JMJD6: variants seen among roughly 807,000 people sequenced by gnomAD.
JMJD6 encodes the protein bifunctional arginine demethylase and lysyl-hydroxylase JMJD6.
A neutral mutation model predicts 45.8 loss-of-function variants in JMJD6; 17 were observed. The ratio of observed to expected loss-of-function variants is 0.37; its 90% CI spans 0.25 to 0.56. The LOEUF (loss-of-function observed/expected upper bound fraction) is 0.56. Ranked by LOEUF, JMJD6 falls within the 20% of genes least tolerant of loss-of-function variation. The probability of loss-of-function intolerance (pLI) is 0.79; values close to 1 mark genes in which losing one functional copy is unlikely to be tolerated. For missense variants in JMJD6, 470 were observed against 517.5 expected (o/e 0.91, Z 0.89); for synonymous variants, 221 against 196.3 (o/e 1.13, Z -1.05).
At chr17:76,724,874 C>T (rs2076883369) in intron 2 of JMJD6, among the ~76,000 whole-genome samples, 1 of 151,982 alleles carries the variant, frequency 6.6e-6, no homozygotes, top group South Asian at 2.1e-4. Flanking sequence ...TATTGCTGGA[C>T]TTTATTAAAA....
At chr17:76,723,732 C>T (rs760339855) in intron 3 of JMJD6, 40 bp downstream of exon 3, 29 of 1,595,472 alleles carry the variant, frequency 1.8e-5, no homozygotes, top group Middle Eastern at 1.7e-4. Context: ...TGAACCACCG[C>T]GCCCGGCAAA....
At chr17:76,716,613 G>C (rs2076765861), downstream of JMJD6, 3 of 1,355,594 alleles carry the variant, frequency 2.2e-6, no homozygotes, top group African/African-American at 2.9e-5. Flanking sequence ...AGGAGCAGAA[G>C]ATGCGAGAAC....
intron 3 of JMJD6, 143 bp downstream of exon 3, chr17:76,723,629 G>A: frequency 9.2e-6 from 7 of 762,116 alleles, no homozygotes; most frequent in Non-Finnish European, 1.1e-5. Flanking sequence ...TTTTAGTAGA[G>A]ACGGGGTTTC....
chr17:76,716,600 G>T, downstream of JMJD6: 1 of 1,213,780 alleles, frequency 8.2e-7, no homozygotes, highest in Non-Finnish European at 1.2e-6. Context: ...CAGAGGAGAA[G>T]GTAGGAGCAG....
downstream of JMJD6, chr17:76,716,561 AG>A (rs1426819945): frequency 1.2e-6 from 1 of 851,120 alleles, no homozygotes; most frequent in Non-Finnish European, 2.0e-6. Context: ...AGCTTGGACC[AG>A]GGAAGGAATA....
chr17:76,716,550 G>A, downstream of JMJD6: 1 of 767,864 alleles, frequency 1.3e-6, no homozygotes, highest in South Asian at 1.6e-5. Flanking sequence ...CCGAAGATAG[G>A]AGCTTGGACC....
Position 76,720,497 on chromosome 17 carries a change from T to C in JMJD6, c.943A>G (p.Ile315Val). The change falls in exon 5 of 6, where the codon ATT becomes GTT. Residue 315 changes from isoleucine (I) to valine (V), a missense_variant and splice_region_variant. Physicochemically the swap from Ile to Val is conservative, Grantham distance 29 (BLOSUM62 3). Coordinates refer to ENST00000397625, the MANE Select transcript of JMJD6 (RefSeq NM_015167.3). ...RPKLSRKWYR[I>V]LKQEHPELAV... ...AACTCGGGGTGCTCTTGCTTCAAAA[T>C]CCTGAGAGGCAAGAAGTGTTGTTCT... The C allele has an allele frequency of 1.2e-6, 2 of 1,613,942 alleles. No homozygotes were observed. Among genetic ancestry groups the C allele is most frequent in the African/African-American group, 2.7e-5 (2 of 74,998 alleles).
downstream of JMJD6, chr17:76,715,339 C>T (rs538421785): frequency 5.3e-5 from 8 of 152,270 alleles, no homozygotes; most frequent in Non-Finnish European, 8.8e-5. Flanking sequence ...GAGAGCAGCC[C>T]CCATGGCAGG....
At chr17:76,721,358 T>C (rs941859514) in intron 4 of JMJD6, 1 of 433,660 alleles carries the variant, frequency 2.3e-6, no homozygotes, top group Non-Finnish European at 4.8e-6. Flanking sequence ...GTATCTGTTC[T>C]GTGGATAAAC....
chr17:76,717,946 G>C (rs545452123), downstream of JMJD6, among the ~76,000 whole-genome samples: 1 of 150,866 alleles, frequency 6.6e-6, no homozygotes, highest in Non-Finnish European at 1.5e-5. Context: ...AGCCGAGATC[G>C]CATCACTGCA....
rs749856418 is a variant in JMJD6 at position 76,725,686 on chromosome 17, T to C, written c.299A>G (p.Lys100Arg). 3.1e-6 allele frequency: 5 copies of C among 1,614,030 alleles called. No homozygotes were observed. Among genetic ancestry groups the C allele is most frequent in the Admixed American group, 3.3e-5 (2 of 60,002 alleles). ...GTAGCCATCGTTATCCTCACCACAC[T>C]TGAACTTCTGGTTCCGATATTTCCT... The part of the protein sequence containing the change: ...LKRKYRNQKF[K>R]CGEDNDGYSV... The change falls in exon 2 of 6, where the codon AAG becomes AGG. Residue 100 changes from lysine to arginine, a missense_variant. This residue lies in a region of JMJD6 where 346 missense variants were observed against 339.5 expected (regional missense o/e 1.02). Transcript: ENST00000397625.
intron 5 of JMJD6, among the ~76,000 whole-genome samples, 200 bp from the exon 6 acceptor site, chr17:76,719,060 C>T (rs2076792807): frequency 6.6e-6 from 1 of 152,186 alleles, no homozygotes. Flanking sequence ...TTTCAAACTT[C>T]CCTCAGAGGC....
At chr17:76,719,779 C>T (rs1419751192) in intron 5 of JMJD6, among the ~76,000 whole-genome samples, 1 of 151,850 alleles carries the variant, frequency 6.6e-6, no homozygotes, top group African/African-American at 2.4e-5. Context: ...TCATCTTGAG[C>T]CATTTACTTC....
Position 76,720,518 on chromosome 17 carries a change from G to A in JMJD6, c.942-20C>T, listed in dbSNP as rs1170813690. On this transcript the variant is annotated intron_variant, in intron 4 of 5. Transcript: ENST00000397625. Reference sequence around the variant, plus strand: ...AAAATCCTGAGAGGCAAGAAGTGTTGTTCTCAGTGCACTGACAGCCATACC... The same window carrying A: ...AAAATCCTGAGAGGCAAGAAGTGTTATTCTCAGTGCACTGACAGCCATACC... 6.2e-7 allele frequency: 1 copy of A among 1,612,802 alleles called. No homozygotes were observed. Among genetic ancestry groups the A allele is most frequent in the Non-Finnish European group, 8.5e-7 (1 of 1,179,296 alleles).
At chr17:76,725,879 T>C (rs764485102) in intron 1 of JMJD6, 24 bp from the exon 2 acceptor site, 58 of 1,545,574 alleles carry the variant, frequency 3.8e-5, no homozygotes, top group Admixed American at 6.5e-5. Context: ...AAAAGACCTG[T>C]CCAGTTAAAA....
At chr17:76,726,012 C>T (rs1197103382) in intron 1 of JMJD6, among the ~76,000 whole-genome samples, 157 bp from the exon 2 acceptor site, 2 of 152,214 alleles carry the variant, frequency 1.3e-5, no homozygotes, top group Non-Finnish European at 2.9e-5. Context: ...CGTGAGGCCA[C>T]GTCGTTCCTA....
downstream of JMJD6, chr17:76,718,383 A>C: frequency 8.7e-7 from 1 of 1,145,070 alleles, no homozygotes; most frequent in Non-Finnish European, 1.1e-6. Flanking sequence ...GCTTTCCCCC[A>C]AGACCACCAT....
chr17:76,722,262 C>A (rs2076834940), intron 3 of JMJD6, among the ~76,000 whole-genome samples: 1 of 152,208 alleles, frequency 6.6e-6, no homozygotes, highest in Admixed American at 6.5e-5. Flanking sequence ...TCCTGTTAAT[C>A]CAAAGCTATG....
At position 76,718,804 on chromosome 17, in the gene JMJD6, C is replaced by A. The variant is rs188024492; in HGVS notation, c.1137G>T (p.Thr379=). 4 of 1,614,250 alleles carry A rather than the reference C, an allele frequency of 2.5e-6. No individual in the cohort carries two copies. The African/African-American group carries it at 5.3e-5, about 22-fold the overall frequency. The change falls in exon 6 of 6, where the codon ACG becomes ACT. Residue 379 remains threonine, a synonymous_variant. Transcript: ENST00000397625. ...TGTCCCCGTTTCCCACCATGCTGCACGTCCTCCTCTTCTTCCTGCGGTGCA... is the reference window on the plus strand; with the variant it reads ...TGTCCCCGTTTCCCACCATGCTGCAAGTCCTCCTCTTCTTCCTGCGGTGCA... ...GTVHRRKKRR[T]CSMVGNGDTT... is the part of the protein sequence containing the mutation.
Sources: allele counts gnomAD v4.1 joint callset (sites outside exome capture counted in the v4.1 genomes callset), GRCh38; gene constraint gnomAD v4.1.1; regional missense constraint gnomAD v4.1.1; transcripts MANE v1.5; gene names NCBI Gene and HGNC (gene_info 2026-07-23, HGNC 2026-07-21).